TBC1D19: variants seen among roughly 807,000 people sequenced by gnomAD.
The protein encoded by TBC1D19 is TBC1 domain family member 19, also known as TBC1 domain family, member 19.
Under a neutral mutation model 89.0 loss-of-function variants are expected in TBC1D19, and 60 were observed. The ratio of observed to expected loss-of-function variants is 0.67; its 90% CI spans 0.55 to 0.84. The LOEUF is 0.84. TBC1D19 is among the 40% of genes least tolerant of loss of function. TBC1D19 has a pLI of 0.00. For missense variants in TBC1D19, 500 were observed against 610.8 expected, an observed-to-expected ratio of 0.82 and a Z score of 1.91; for synonymous variants, 189 against 199.7, an observed-to-expected ratio of 0.95 and a Z score of 0.45.
chr4:26,602,776 T>TG (rs1050095356), intron 1 of TBC1D19, among the ~76,000 whole-genome samples: 5 of 148,428 alleles, frequency 3.4e-5, no homozygotes, highest in African/African-American at 1.2e-4. Flanking sequence ...ACACTGACAG[T>TG]GAAAAAAAAA....
intron 13 of TBC1D19, among the ~76,000 whole-genome samples, chr4:26,714,135 C>T (rs1283726002): frequency 6.6e-6 from 1 of 152,004 alleles, no homozygotes; most frequent in Non-Finnish European, 1.5e-5. Context: ...TACTTGAGCT[C>T]AAGAGTTCAA....
At chr4:26,767,683 CTG>C in the TBC1D19 span, among the ~76,000 whole-genome samples, 1 of 152,192 alleles carries the variant, frequency 6.6e-6, no homozygotes, top group African/African-American at 2.4e-5. Context: ...AGCCTCCAGA[CTG>C]TGAAAAATAA....
At chr4:26,645,309 G>A (rs58834217) in intron 7 of TBC1D19, among the ~76,000 whole-genome samples, 129,019 of 152,174 alleles carry the variant, frequency 0.85, 58,585 homozygotes, top group Non-Finnish European at 1. Flanking sequence ...AAACAGAGAT[G>A]TAGACCAATG....
At chr4:26,844,319 A>G in the TBC1D19 span, among the ~76,000 whole-genome samples, 1 of 152,332 alleles carries the variant, frequency 6.6e-6, no homozygotes, top group African/African-American at 2.4e-5. Context: ...AGGTTTTAGG[A>G]AAACCCAACC....
At chr4:26,740,987 G>T (rs1364425387) in intron 17 of TBC1D19, 3 of 969,802 alleles carry the variant, frequency 3.1e-6, no homozygotes, top group Non-Finnish European at 3.7e-6. Context: ...ATCTCTAAGA[G>T]AACTTGATTT....
chr4:26,580,076 T>C (rs1294399958), upstream of TBC1D19, among the ~76,000 whole-genome samples: 1 of 152,164 alleles, frequency 6.6e-6, no homozygotes, highest in African/African-American at 2.4e-5. Context: ...CCCTTTTGCA[T>C]AGAGTCAACA....
At chr4:26,638,580 G>T (rs1362228596) in intron 5 of TBC1D19, among the ~76,000 whole-genome samples, 191 bp from the exon 6 acceptor site, 1 of 152,070 alleles carries the variant, frequency 6.6e-6, no homozygotes, top group African/African-American at 2.4e-5. Context: ...CTAAGCCATT[G>T]AGACTAGATA....
At chr4:26,710,702 A>C (rs1230599786) in intron 13 of TBC1D19, among the ~76,000 whole-genome samples, 1 of 152,080 alleles carries the variant, frequency 6.6e-6, no homozygotes, top group Non-Finnish European at 1.5e-5. Context: ...TTGTTTCCTG[A>C]CTTTTTAATG....
At chr4:26,652,473 C>G (rs930888152) in intron 7 of TBC1D19, among the ~76,000 whole-genome samples, 1 of 152,140 alleles carries the variant, frequency 6.6e-6, no homozygotes, top group Non-Finnish European at 1.5e-5. Context: ...CTCCTGGGCT[C>G]AAGCTATCCT....
the TBC1D19 span, among the ~76,000 whole-genome samples, chr4:26,767,675 C>T: frequency 1.3e-5 from 2 of 152,184 alleles, no homozygotes; most frequent in African/African-American, 2.4e-5. Context: ...GACTTCCCAG[C>T]CTCCAGACTG....
At chr4:26,705,362 A>G (rs936925344) in intron 13 of TBC1D19, among the ~76,000 whole-genome samples, 1 of 152,130 alleles carries the variant, frequency 6.6e-6, no homozygotes, top group Non-Finnish European at 1.5e-5. Flanking sequence ...ACCAAATCCA[A>G]TGTTGTGAAG....
chr4:26,679,823 G>A (rs1384681165), intron 11 of TBC1D19, among the ~76,000 whole-genome samples: 8 of 152,198 alleles, frequency 5.3e-5, no homozygotes, highest in Admixed American at 2.6e-4. Context: ...AAACTTTGGA[G>A]GACTGTTGGA....
At chr4:26,650,416 G>A (rs1744282060) in intron 7 of TBC1D19, among the ~76,000 whole-genome samples, 1 of 152,198 alleles carries the variant, frequency 6.6e-6, no homozygotes. Context: ...TAACTGGTGT[G>A]AGATGGTATC....
intron 16 of TBC1D19, among the ~76,000 whole-genome samples, chr4:26,737,647 A>G (rs1718123717): frequency 6.6e-6 from 1 of 152,124 alleles, no homozygotes; most frequent in South Asian, 2.1e-4. Flanking sequence ...ATTTATTTAT[A>G]CTATTTTAGA....
intron 1 of TBC1D19, among the ~76,000 whole-genome samples, chr4:26,607,021 T>C (rs944864278): frequency 6.6e-6 from 1 of 152,158 alleles, no homozygotes; most frequent in African/African-American, 2.4e-5. Context: ...CTGGTAGGAA[T>C]TGAAAGAAAC....
chr4:26,833,965 G>A, the TBC1D19 span, among the ~76,000 whole-genome samples: 3 of 152,312 alleles, frequency 2.0e-5, 1 homozygote, highest in South Asian at 6.2e-4. Context: ...GGAAATCCCC[G>A]ATGTTGGAGG....
the TBC1D19 span, among the ~76,000 whole-genome samples, chr4:26,846,643 A>C: frequency 6.6e-6 from 1 of 152,206 alleles, no homozygotes; most frequent in Admixed American, 6.5e-5. Flanking sequence ...TAAGCTTAGA[A>C]AATTATTTCC....
chr4:26,763,905 G>A, the TBC1D19 span, among the ~76,000 whole-genome samples: 2 of 152,186 alleles, frequency 1.3e-5, no homozygotes, highest in African/African-American at 4.8e-5. Flanking sequence ...GAAGGAGCTC[G>A]CTGGTGTAAC....
the TBC1D19 span, among the ~76,000 whole-genome samples, chr4:26,778,530 G>A: frequency 2.0e-5 from 3 of 152,148 alleles, no homozygotes; most frequent in African/African-American, 7.2e-5. Flanking sequence ...GATTCCACAG[G>A]TGGTAGGGGA....
Sources: gnomAD v4.1 joint callset for allele counts (sites outside exome capture counted in the v4.1 genomes callset) on GRCh38, gnomAD v4.1.1 for gene constraint, MANE v1.5 for transcripts, NCBI Gene and HGNC (gene_info 2026-07-23, HGNC 2026-07-21) for gene names.